Variants in FAXDC2 observed in about 807,000 individuals in gnomAD.
The protein encoded by FAXDC2 is fatty acid hydroxylase domain-containing protein 2.
Under a neutral mutation model 40.9 loss-of-function variants are expected in FAXDC2, and 41 were observed. The ratio of observed to expected loss-of-function variants is 1.00; its 90% CI spans 0.78 to 1.30. The LOEUF is 1.30. Among genes scored for constraint, FAXDC2 ranks in the 50% most tolerant of loss-of-function variants. The pLI is 0.00. For synonymous variants in FAXDC2, 157 were observed against 149.3 expected (o/e 1.05, Z -0.38); for missense variants, 390 against 408.8 (o/e 0.95, Z 0.40).
At chr5:154,833,692 C>T (rs1023922642) in intron 4 of FAXDC2, among the ~76,000 whole-genome samples, 24 of 148,498 alleles carry the variant, frequency 1.6e-4, no homozygotes, top group Non-Finnish European at 1.3e-4. Flanking sequence ...TTTTTTGAGA[C>T]GAAGTTTCAC....
intron 5 of FAXDC2, among the ~76,000 whole-genome samples, chr5:154,825,934 C>T (rs754793420): frequency 3.0e-4 from 46 of 152,068 alleles, no homozygotes; most frequent in African/African-American, 5.1e-4. Flanking sequence ...TTTGGCAGGA[C>T]GATCAGAAAT....
At chr5:154,845,926 C>T (rs991276760) in intron 1 of FAXDC2, among the ~76,000 whole-genome samples, 7 of 151,228 alleles carry the variant, frequency 4.6e-5, no homozygotes, top group African/African-American at 1.7e-4. Context: ...GCTGGGATTA[C>T]AGGCATGCGT....
chr5:154,838,190 A>C lies in FAXDC2; in HGVS notation c.1-12T>G. 6.2e-7 allele frequency: 1 copy of C among 1,613,308 alleles called. No individual in the cohort carries two copies. ...GCTTCTCCTTTCATCTGGAATGAGA[A>C]AGCACAGGCGAGCCGGGGAGTTATT... On this transcript the variant is annotated splice_polypyrimidine_tract_variant and intron_variant, in intron 1 of 8. Transcript: ENST00000326080.
chr5:154,831,562 G>C (rs1412380567), intron 4 of FAXDC2, among the ~76,000 whole-genome samples: 3 of 152,046 alleles, frequency 2.0e-5, no homozygotes. Flanking sequence ...TGATCCTCTT[G>C]CTTCAGCCTC....
intron 1 of FAXDC2, chr5:154,838,467 G>C (rs910461724): frequency 2.8e-5 from 11 of 387,532 alleles, no homozygotes; most frequent in African/African-American, 1.9e-4. Flanking sequence ...TAAGAGACAG[G>C]GTCCCACTAC....
chr5:154,840,441 C>T (rs1294427756), intron 1 of FAXDC2, among the ~76,000 whole-genome samples: 1 of 152,004 alleles, frequency 6.6e-6, no homozygotes, highest in Non-Finnish European at 1.5e-5. Context: ...CCAAGCTGGA[C>T]TCAAACTCCT....
intron 6 of FAXDC2, 142 bp from the exon 7 acceptor site, chr5:154,822,719 AC>A: frequency 4.5e-6 from 3 of 663,634 alleles, no homozygotes. Flanking sequence ...TCAAATTTCA[AC>A]CCCAGCCCTT....
At chr5:154,835,343 C>T (rs1760315096) in intron 2 of FAXDC2, 1 of 174,018 alleles carries the variant, frequency 5.7e-6, no homozygotes, top group South Asian at 1.4e-4. Flanking sequence ...CCCAGGGTCC[C>T]CTCCAATCCA....
rs569232707 is a variant in FAXDC2, at chr5:154,828,348, G to A, written c.366+2453C>T. On this transcript the variant is annotated intron_variant, in intron 5 of 8. Coordinates refer to ENST00000326080, the MANE Select transcript of FAXDC2 (RefSeq NM_032385.5). Reference sequence around the variant, plus strand: ...TTTTTAGATGGAAAAAATTTACCACGTTTGTAATAATCTAGAGAGGAATAA... The same window carrying A: ...TTTTTAGATGGAAAAAATTTACCACATTTGTAATAATCTAGAGAGGAATAA... Among the ~76,000 whole-genome samples the A allele has an allele frequency of 3.3e-5, 5 of 152,022 alleles. 1 individual carries two copies. The South Asian group carries it at 8.3e-4, about 25-fold the overall frequency.
chr5:154,827,421 TTGTGTGTG>T lies in FAXDC2; in HGVS notation c.366+3372_366+3379del, dbSNP rs10528622. Among the ~76,000 whole-genome samples, 549 of 138,682 alleles carry T rather than the reference TTGTGTGTG, an allele frequency of 4.0e-3. 8 individuals carry two copies. The highest frequency in any genetic ancestry group is 0.013 in the African/African-American group (463 of 36,856). The allele number at this position is 138,682 out of a possible 152,430, so 91.0% of individuals were successfully genotyped here. ...GTTAAGAGTTGTTTTTTCTGTTATT[TTGTGTGTG>T]TGTGTGTGTGTGTGTGTGTGTGTGT... is the stretch of plus-strand genomic sequence containing the variant. On this transcript the variant is annotated intron_variant, in intron 5 of 8. Coordinates refer to ENST00000326080, the MANE Select transcript of FAXDC2 (RefSeq NM_032385.5).
At chr5:154,827,402 AGTT>A (rs1394549623) in intron 5 of FAXDC2, among the ~76,000 whole-genome samples, 1 of 139,732 alleles carries the variant, frequency 7.2e-6, no homozygotes, top group African/African-American at 2.7e-5. Flanking sequence ...GCTAGTTAAG[AGTT>A]GTTTTTTCTG....
intron 5 of FAXDC2, among the ~76,000 whole-genome samples, chr5:154,825,069 A>AG: frequency 6.6e-6 from 1 of 151,372 alleles, no homozygotes; most frequent in Non-Finnish European, 1.5e-5. Flanking sequence ...AAAAAAAAAA[A>AG]AAAAAAAAAA....
At chr5:154,845,600 A>G (rs1385673899) in intron 1 of FAXDC2, among the ~76,000 whole-genome samples, 1 of 152,064 alleles carries the variant, frequency 6.6e-6, no homozygotes, top group Admixed American at 6.6e-5. Flanking sequence ...AAAATTAGCC[A>G]GGTGTGGTGG....
rs200639060 is a variant in FAXDC2, at chr5:154,846,287, T to TGCGC, written c.-1+4195_-1+4196insGCGC. On this transcript the variant is annotated intron_variant, in intron 1 of 8. Transcript: ENST00000326080. Reference sequence around the variant, plus strand: ...ACTAGATAGTGTGTGTGTGTGTGTGTGTGTGTGTGTGTTAATACCAAAGGA... The same window carrying TGCGC: ...ACTAGATAGTGTGTGTGTGTGTGTGTGCGCGTGTGTGTGTGTTAATACCAAAGGA... Among the ~76,000 whole-genome samples the TGCGC allele has an allele frequency of 2.0e-5, 3 of 152,108 alleles. No homozygotes were observed. The South Asian group carries it at 6.2e-4, about 32-fold the overall frequency.
chr5:154,836,455 C>G (rs914455082), intron 2 of FAXDC2: 4 of 152,160 alleles, frequency 2.6e-5, no homozygotes, highest in African/African-American at 9.7e-5. Flanking sequence ...GTACGACAGA[C>G]AGGAATTACA....
chr5:154,827,166 GT>G (rs973597379), intron 5 of FAXDC2, among the ~76,000 whole-genome samples: 2 of 152,002 alleles, frequency 1.3e-5, no homozygotes, highest in African/African-American at 2.4e-5. Flanking sequence ...TTACCCAGGC[GT>G]GATGGCACAC....
intron 5 of FAXDC2, among the ~76,000 whole-genome samples, chr5:154,827,921 C>T (rs1760083913): frequency 6.6e-6 from 1 of 151,818 alleles, no homozygotes; most frequent in Admixed American, 6.6e-5. Context: ...ATGATCATAG[C>T]TCACTGTAAC....
At chr5:154,828,563 A>G (rs1247124639) in intron 5 of FAXDC2, among the ~76,000 whole-genome samples, 3 of 151,448 alleles carry the variant, frequency 2.0e-5, no homozygotes, top group Admixed American at 2.0e-4. Flanking sequence ...TGTGGTGTGC[A>G]TCTATAAAAC....
Position 154,834,828 on chromosome 5 carries a change from G to A in FAXDC2, c.140+15C>T. On this transcript the variant is annotated intron_variant, in intron 3 of 8. Transcript: ENST00000326080. ...CACCACCACACTGCACCCTAGCTGG[G>A]TGGAGCCGACTTACCATGTCACTGA... 3 of 1,607,850 alleles carry A rather than the reference G, an allele frequency of 1.9e-6. No homozygotes were observed. The highest frequency in any genetic ancestry group is 2.6e-6 in the Non-Finnish European group (3 of 1,175,596).
Sources: gnomAD v4.1 joint callset for allele counts (sites outside exome capture counted in the v4.1 genomes callset) on GRCh38, gnomAD v4.1.1 for gene constraint, MANE v1.5 for transcripts, NCBI Gene and HGNC (gene_info 2026-07-23, HGNC 2026-07-21) for gene names.